Variants in ALS2CL observed in about 807,000 individuals in gnomAD.
The protein encoded by ALS2CL is ALS2 C-terminal like.
ALS2CL carries 112 observed loss-of-function variants against 127.9 expected under a neutral mutation model. That is an observed-to-expected ratio of 0.88 (90% confidence interval 0.75 to 1.02). The LOEUF (loss-of-function observed/expected upper bound fraction) is 1.02, where lower values mean the gene tolerates loss of function less well. ALS2CL is among the 50% of genes least tolerant of loss of function. ALS2CL has a pLI of 0.00. For missense variants in ALS2CL, 1,174 were observed against 1,236.7 expected (o/e 0.95, Z 0.76); for synonymous variants, 519 against 527.6 (o/e 0.98, Z 0.22).
chr3:46,678,231 C>G (rs1174557162), intron 16 of ALS2CL, 28 bp downstream of exon 16: 1 of 1,545,932 alleles, frequency 6.5e-7, no homozygotes, highest in Non-Finnish European at 8.8e-7. Context: ...CCCAGATAGG[C>G]CCAGAGCCAG....
chr3:46,671,146 T>G, intron 25 of ALS2CL, 82 bp from the exon 26 acceptor site: 4 of 1,425,258 alleles, frequency 2.8e-6, no homozygotes, highest in Non-Finnish European at 4.0e-6. Flanking sequence ...TCAATAGCTG[T>G]GTGCACCCAC....
intron 9 of ALS2CL, 93 bp downstream of exon 9, chr3:46,683,689 T>G: frequency 6.7e-7 from 1 of 1,490,870 alleles, no homozygotes; most frequent in South Asian, 1.1e-5. Context: ...TCGCCGGCAC[T>G]CCTGTGGGGC....
At chr3:46,682,909 C>T (rs1356943511) in intron 10 of ALS2CL, among the ~76,000 whole-genome samples, 3 of 152,234 alleles carry the variant, frequency 2.0e-5, no homozygotes, top group Non-Finnish European at 1.5e-5. Context: ...GTGGTTGCTG[C>T]CCCTTGTCCT....
Position 46,681,195 on chromosome 3 carries a change from A to AG in ALS2CL, c.1436+50dup. ...GTGTCCTGCAACAATCTGGTCTGTG[A>AG]GGGCCCGGTCCACCCCTCCGTCCTG... On this transcript the variant is annotated intron_variant, in intron 13 of 25. Transcript: ENST00000318962. The surrounding 1 kb of genome is among the most constrained non-coding windows in gnomAD (Gnocchi z 4.9). 6.2e-7 allele frequency: 1 copy of AG among 1,612,040 alleles called. No homozygotes were observed.
Position 46,680,538 on chromosome 3 carries a change from A to C in ALS2CL, c.1440T>G (p.Gly480=). The change falls in exon 14 of 26, where the codon GGT becomes GGG. Residue 480 remains glycine, a synonymous_variant. Coordinates refer to ENST00000318962, the MANE Select transcript of ALS2CL (RefSeq NM_147129.5). ...CCTGCCACATGCCAATGTAGCGCTC[A>C]CCTCTGGAAGGAGAGGAATGTGGCC... The part of the protein sequence containing the change: ...GYGIEEDGDR[G]ERYIGMWQAG... The C allele has an allele frequency of 6.2e-7, 1 of 1,611,324 alleles. No individual in the cohort carries two copies.
rs757740770 is a variant in ALS2CL at position 46,671,924 on chromosome 3, C to T, written c.2644G>A (p.Asp882Asn). The change falls in exon 24 of 26, where the codon GAC becomes AAC. Residue 882 changes from aspartate to asparagine, a missense_variant. Asp to Asn is a conservative substitution (Grantham distance 23, BLOSUM62 1). Transcript: ENST00000318962. Reference protein sequence around the residue: ...LGREYKLPMDDLLPLLIYVVS... With the variant: ...LGREYKLPMDNLLPLLIYVVS... ...ACGTAGATGAGAAGTGGCAGCAGGT[C>T]GTCCATGGGCAGCTTGTACTCCCGG... 6.2e-7 allele frequency: 1 copy of T among 1,614,032 alleles called. No homozygotes were observed. Among genetic ancestry groups the T allele is most frequent in the Non-Finnish European group, 8.5e-7 (1 of 1,180,030 alleles).
chr3:46,673,909 T>G (rs1698603476), intron 21 of ALS2CL, among the ~76,000 whole-genome samples: 1 of 152,074 alleles, frequency 6.6e-6, no homozygotes, highest in Non-Finnish European at 1.5e-5. Context: ...GACCTGGATG[T>G]GGGAGCAGAG....
intron 16 of ALS2CL, chr3:46,677,259 T>G (rs948156048): frequency 7.3e-7 from 1 of 1,364,858 alleles, no homozygotes. Context: ...CAGAAGCATA[T>G]GGAATCCTGG....
chr3:46,675,740 G>A (rs564650907), intron 19 of ALS2CL, 54 bp from the exon 20 acceptor site: 2 of 1,610,000 alleles, frequency 1.2e-6, no homozygotes, highest in Non-Finnish European at 8.5e-7. Flanking sequence ...CAGAACTGGA[G>A]TTCTACCACC....
chr3:46,671,843 C>G, intron 24 of ALS2CL, 41 bp downstream of exon 24: 1 of 1,609,108 alleles, frequency 6.2e-7, no homozygotes, highest in Non-Finnish European at 8.5e-7. Context: ...GGGGGTGGGA[C>G]CCTGCCCCTG....
chr3:46,677,168 G>A, intron 16 of ALS2CL, 146 bp from the exon 17 acceptor site: 11 of 1,446,248 alleles, frequency 7.6e-6, no homozygotes, highest in Non-Finnish European at 9.0e-6. Context: ...GAACCATGCA[G>A]AGGGGGCTGA....
Position 46,686,300 on chromosome 3 carries a change from C to T in ALS2CL, c.666+8G>A. The T allele has an allele frequency of 6.2e-7, 1 of 1,604,578 alleles. No homozygotes were observed. Among genetic ancestry groups the T allele is most frequent in the Non-Finnish European group, 8.5e-7 (1 of 1,175,368 alleles). Reference sequence around the variant, plus strand: ...CCTCCCTAACTGCCCCTCAGGCCCCCAACTCACCCTCAGCCGGCCTCTCAG... The same window carrying T: ...CCTCCCTAACTGCCCCTCAGGCCCCTAACTCACCCTCAGCCGGCCTCTCAG... On this transcript the variant is annotated splice_region_variant and intron_variant, in intron 6 of 25. Transcript: ENST00000318962. This position sits in a 1 kb window ranked among gnomAD's most constrained non-coding sequence, Gnocchi z 4.3.
intron 22 of ALS2CL, among the ~76,000 whole-genome samples, chr3:46,672,714 G>T (rs1044627463): frequency 2.0e-5 from 3 of 152,208 alleles, no homozygotes; most frequent in Admixed American, 2.0e-4. Flanking sequence ...GGTGGTTCTG[G>T]CCAAGCGCAG....
At chr3:46,690,001 T>C (rs1412387140) in intron 1 of ALS2CL, among the ~76,000 whole-genome samples, 2 of 152,182 alleles carry the variant, frequency 1.3e-5, no homozygotes, top group Non-Finnish European at 2.9e-5. Context: ...GGAGGCCTCC[T>C]GCTAGAGCCA....
chr3:46,675,188 A>T (rs1217928876), intron 20 of ALS2CL: 6 of 207,826 alleles, frequency 2.9e-5, no homozygotes, highest in Non-Finnish European at 1.9e-5. Context: ...GAACACTTTC[A>T]GGTCTAGAAT....
chr3:46,692,750 G>C (rs1013889198), intron 1 of ALS2CL, among the ~76,000 whole-genome samples: 1 of 152,338 alleles, frequency 6.6e-6, no homozygotes, highest in South Asian at 2.1e-4. Context: ...GTGAGTCAGC[G>C]GCTGCCCCTG....
chr3:46,680,346 C>T, intron 14 of ALS2CL, 84 bp downstream of exon 14: 1 of 1,403,844 alleles, frequency 7.1e-7, no homozygotes, highest in Non-Finnish European at 9.9e-7. Flanking sequence ...CCCATCCCTC[C>T]CTGAAAGGCC....
intron 1 of ALS2CL, among the ~76,000 whole-genome samples, chr3:46,690,671 C>T (rs892980106): frequency 2.0e-5 from 3 of 152,232 alleles, no homozygotes; most frequent in African/African-American, 4.8e-5. Context: ...GCCCAAGACC[C>T]GCAGACTGTC....
At chr3:46,684,221 C>A (rs1370369936) in intron 7 of ALS2CL, among the ~76,000 whole-genome samples, 174 bp from the exon 8 acceptor site, 1 of 152,160 alleles carries the variant, frequency 6.6e-6, no homozygotes, top group Admixed American at 6.5e-5. Flanking sequence ...AGGGACAGCT[C>A]CTCCATGTCC....
Sources: gnomAD v4.1 joint callset for allele counts (sites outside exome capture counted in the v4.1 genomes callset) on GRCh38, gnomAD v4.1.1 for gene constraint, Gnocchi (gnomAD v3.1) non-coding constraint, MANE v1.5 for transcripts, NCBI Gene and HGNC (gene_info 2026-07-23, HGNC 2026-07-21) for gene names.